Variants in NBAS observed in about 807,000 individuals in gnomAD.
NBAS encodes the protein NBAS subunit of NRZ tethering complex.
A neutral mutation model predicts 302.5 loss-of-function variants in NBAS; 219 were observed. The observed-to-expected ratio is 0.72, with a 90% confidence interval of 0.65 to 0.81. NBAS has a LOEUF of 0.81. NBAS is among the 30% of genes least tolerant of loss of function. The pLI is 0.00. For missense variants in NBAS, 2,932 were observed against 2,841.6 expected, an observed-to-expected ratio of 1.03 and a Z score of -0.72; for synonymous variants, 1,118 against 1,021.6, an observed-to-expected ratio of 1.09 and a Z score of -1.80.
At chr2:15,380,780 T>C (rs562386576) in intron 29 of NBAS, among the ~76,000 whole-genome samples, 1 of 152,256 alleles carries the variant, frequency 6.6e-6, no homozygotes, top group South Asian at 2.1e-4. Flanking sequence ...TGGATAAGGA[T>C]AGCACAGAAA....
intron 44 of NBAS, among the ~76,000 whole-genome samples, chr2:15,244,484 T>C (rs1667999729): frequency 6.6e-6 from 1 of 152,188 alleles, no homozygotes; most frequent in African/African-American, 2.4e-5. Context: ...TCATAATGTC[T>C]GTACAGCAGA....
the NBAS span, among the ~76,000 whole-genome samples, chr2:14,959,169 A>G: frequency 6.6e-6 from 1 of 152,184 alleles, no homozygotes; most frequent in African/African-American, 2.4e-5. Flanking sequence ...CTTCAGCTCA[A>G]TGAAACTGTT....
chr2:15,284,906 T>C (rs1669970959), intron 42 of NBAS, among the ~76,000 whole-genome samples: 1 of 152,218 alleles, frequency 6.6e-6, no homozygotes, highest in South Asian at 2.1e-4. Flanking sequence ...ATAATCACAG[T>C]GCTACCAGGT....
intron 45 of NBAS, among the ~76,000 whole-genome samples, chr2:15,236,817 G>T (rs1435849000): frequency 6.6e-6 from 1 of 152,020 alleles, no homozygotes; most frequent in Non-Finnish European, 1.5e-5. Flanking sequence ...CTTCTATATT[G>T]TTCATACCAT....
the NBAS span, among the ~76,000 whole-genome samples, chr2:15,087,518 C>A: frequency 6.6e-6 from 1 of 152,142 alleles, no homozygotes; most frequent in Non-Finnish European, 1.5e-5. Flanking sequence ...GATAAAGTGG[C>A]CAGCCTAGCC....
At chr2:14,901,006 C>T in the NBAS span, among the ~76,000 whole-genome samples, 1 of 152,192 alleles carries the variant, frequency 6.6e-6, no homozygotes, top group Non-Finnish European at 1.5e-5. Context: ...TAGGGACTTG[C>T]ACTGACAGCC....
chr2:15,504,045 A>T, intron 11 of NBAS, 100 bp downstream of exon 11: 1 of 882,472 alleles, frequency 1.1e-6, no homozygotes, highest in South Asian at 1.3e-5. Context: ...CACTCAGATG[A>T]AGATACAAAA....
the NBAS span, among the ~76,000 whole-genome samples, chr2:15,034,037 A>G: frequency 2.0e-3 from 86 of 42,016 alleles, 4 homozygotes; most frequent in Middle Eastern, 0.013. Flanking sequence ...GAGGAGGAGG[A>G]AGGAGGAGGA....
At chr2:14,893,303 G>C in the NBAS span, among the ~76,000 whole-genome samples, 2 of 151,826 alleles carry the variant, frequency 1.3e-5, no homozygotes, top group Non-Finnish European at 2.9e-5. Context: ...CAAGAAAACT[G>C]CTTTTGGATT....
chr2:15,131,613 T>C, the NBAS span, among the ~76,000 whole-genome samples: 2 of 152,242 alleles, frequency 1.3e-5, no homozygotes, highest in Non-Finnish European at 2.9e-5. Flanking sequence ...ATTATTATTA[T>C]ACTTTAAGTT....
the NBAS span, among the ~76,000 whole-genome samples, chr2:15,001,160 T>C: frequency 6.6e-6 from 1 of 152,196 alleles, no homozygotes; most frequent in Non-Finnish European, 1.5e-5. Context: ...AACACAAGGT[T>C]GATGGAAGGA....
the NBAS span, among the ~76,000 whole-genome samples, chr2:15,053,363 C>CA: frequency 6.6e-6 from 1 of 152,182 alleles, no homozygotes; most frequent in African/African-American, 2.4e-5. Flanking sequence ...GGAAGGAACT[C>CA]AGGGGCCCCA....
chr2:15,177,914 A>G (rs2125114818), intron 51 of NBAS: 2 of 307,458 alleles, frequency 6.5e-6, no homozygotes, highest in East Asian at 1.6e-4. Context: ...AAGCTTTTAC[A>G]TTATTTTAAA....
At chr2:15,401,653 T>A (rs906101267) in intron 26 of NBAS, among the ~76,000 whole-genome samples, 1 of 152,128 alleles carries the variant, frequency 6.6e-6, no homozygotes, top group African/African-American at 2.4e-5. Flanking sequence ...AAAGAAAACA[T>A]ACAAATTTGA....
the NBAS span, among the ~76,000 whole-genome samples, chr2:14,897,804 G>T: frequency 6.6e-6 from 1 of 152,128 alleles, no homozygotes; most frequent in East Asian, 1.9e-4. Context: ...TTAAGAAGGC[G>T]GTGGTTAACA....
the NBAS span, among the ~76,000 whole-genome samples, chr2:14,996,785 A>C: frequency 6.6e-6 from 1 of 152,116 alleles, no homozygotes; most frequent in Admixed American, 6.5e-5. Context: ...CCAAGTACAA[A>C]ATGCTTCAAG....
the NBAS span, among the ~76,000 whole-genome samples, chr2:15,097,571 T>A: frequency 6.6e-6 from 1 of 152,026 alleles, no homozygotes; most frequent in Non-Finnish European, 1.5e-5. Flanking sequence ...GGGGTTCTGG[T>A]AAGGACCCTT....
At chr2:15,132,924 C>T in the NBAS span, among the ~76,000 whole-genome samples, 1 of 150,592 alleles carries the variant, frequency 6.6e-6, no homozygotes, top group Non-Finnish European at 1.5e-5. Flanking sequence ...AGTGAGGTCA[C>T]AAATTATTTT....
chr2:15,493,035 G>A (rs980629157), intron 11 of NBAS, among the ~76,000 whole-genome samples: 7 of 152,148 alleles, frequency 4.6e-5, no homozygotes, highest in African/African-American at 1.7e-4. Flanking sequence ...CTGGATCATG[G>A]GGACAGATTT....
Sources: allele counts gnomAD v4.1 joint callset (sites outside exome capture counted in the v4.1 genomes callset), GRCh38; gene constraint gnomAD v4.1.1; transcripts MANE v1.5; gene names NCBI Gene and HGNC (gene_info 2026-07-23, HGNC 2026-07-21).